The following PRKCE variants were observed in gnomAD, a reference collection of about 807,000 sequenced individuals.
The protein encoded by PRKCE is protein kinase C epsilon.
In PRKCE, 16 loss-of-function variants were observed where a neutral mutation model predicts 85.4. The observed-to-expected ratio is 0.19, with a 90% confidence interval of 0.13 to 0.28. The LOEUF (loss-of-function observed/expected upper bound fraction) is 0.28. Ranked by LOEUF, PRKCE falls within the 10% of genes least tolerant of loss-of-function variation. The pLI, the probability that PRKCE is intolerant of heterozygous loss-of-function variation, is 1.00. For synonymous variants in PRKCE, 388 were observed against 371.5 expected (o/e 1.04, Z -0.51); for missense variants, 573 against 975.2 (o/e 0.59, Z 5.49).
At chr2:46,135,138 T>C (rs1023787721) in intron 11 of PRKCE, among the ~76,000 whole-genome samples, 9 of 152,104 alleles carry the variant, frequency 5.9e-5, no homozygotes, top group Admixed American at 1.3e-4. Context: ...CAGCTGTCAG[T>C]GTAGTGTCTA....
At chr2:45,840,055 A>G (rs548253786) in intron 1 of PRKCE, among the ~76,000 whole-genome samples, 2 of 152,310 alleles carry the variant, frequency 1.3e-5, no homozygotes, top group Non-Finnish European at 2.9e-5. Context: ...AAAGATGGGC[A>G]TGGTGCCTGC....
chr2:45,917,448 T>C (rs1384120368), intron 2 of PRKCE, among the ~76,000 whole-genome samples: 2 of 152,186 alleles, frequency 1.3e-5, no homozygotes, highest in South Asian at 2.1e-4. Flanking sequence ...AGAGTGTCAA[T>C]TGGTGCATTC....
Position 45,688,953 on chromosome 2 carries a change from C to T in PRKCE, c.348+36505C>T, listed in dbSNP as rs183499901. 3.5e-3 allele frequency among the ~76,000 whole-genome samples: 536 copies of T among 152,278 alleles called. 3 individuals carry two copies. Among genetic ancestry groups the T allele is most frequent in the African/African-American group, 0.012 (504 of 41,558 alleles). On this transcript the variant is annotated intron_variant, in intron 1 of 14. Transcript: ENST00000306156. The stretch of plus-strand genomic sequence containing the variant: ...ACAACATAAGAGACTTGATGTTGGC[C>T]TTTTGGGAGCTCATGTTTCAAATCA...
At chr2:46,122,881 G>GTTTTTTTTTTTT (rs1244942634) in intron 11 of PRKCE, among the ~76,000 whole-genome samples, 1 of 117,162 alleles carries the variant, frequency 8.5e-6, no homozygotes, top group Non-Finnish European at 1.7e-5. Flanking sequence ...AACAGTCTGG[G>GTTTTTTTTTTTT]TTTTTTTTTT....
intron 1 of PRKCE, among the ~76,000 whole-genome samples, chr2:45,706,181 G>C (rs897315759): frequency 6.6e-6 from 1 of 152,176 alleles, no homozygotes; most frequent in Non-Finnish European, 1.5e-5. Flanking sequence ...AGTTGATGCT[G>C]GGGTAGGAAT....
intron 10 of PRKCE, among the ~76,000 whole-genome samples, chr2:46,069,228 C>T (rs1667871197): frequency 6.6e-6 from 1 of 152,186 alleles, no homozygotes; most frequent in Non-Finnish European, 1.5e-5. Context: ...GCTGTATTCT[C>T]ACTTACCTGT....
intron 10 of PRKCE, among the ~76,000 whole-genome samples, chr2:46,046,328 A>G (rs1708520438): frequency 6.6e-6 from 1 of 152,200 alleles, no homozygotes; most frequent in East Asian, 1.9e-4. Context: ...GGCCTGCCCT[A>G]CCTCTAGGGC....
intron 11 of PRKCE, among the ~76,000 whole-genome samples, chr2:46,126,125 A>G (rs1004339433): frequency 6.6e-6 from 1 of 152,094 alleles, no homozygotes; most frequent in African/African-American, 2.4e-5. Flanking sequence ...TACTTATTGG[A>G]TGTTTCTTTG....
chr2:45,928,414 C>A (rs934521879), intron 2 of PRKCE, among the ~76,000 whole-genome samples: 4 of 152,192 alleles, frequency 2.6e-5, no homozygotes, highest in African/African-American at 9.7e-5. Context: ...ATTACAGGCA[C>A]ACACCACCAT....
intron 2 of PRKCE, among the ~76,000 whole-genome samples, chr2:45,876,525 G>A (rs953557612): frequency 6.6e-6 from 1 of 152,068 alleles, no homozygotes; most frequent in African/African-American, 2.4e-5. Flanking sequence ...CAACCATTTG[G>A]GGGTAAATCC....
intron 1 of PRKCE, among the ~76,000 whole-genome samples, chr2:45,792,112 A>G (rs1553412344): frequency 1.3e-5 from 2 of 152,196 alleles, no homozygotes; most frequent in Non-Finnish European, 2.9e-5. Context: ...TGGTGCTGGC[A>G]TCTGCTTGGC....
chr2:46,012,577 T>A (rs1018788956), intron 10 of PRKCE, among the ~76,000 whole-genome samples: 15 of 152,170 alleles, frequency 9.9e-5, no homozygotes, highest in African/African-American at 3.6e-4. Context: ...CTGAGGTGGC[T>A]TTCCAGGCAG....
chr2:46,107,940 G>C (rs542755062), intron 11 of PRKCE, among the ~76,000 whole-genome samples: 1 of 151,834 alleles, frequency 6.6e-6, no homozygotes, highest in Non-Finnish European at 1.5e-5. Context: ...TTTTGTTTTT[G>C]TTTTCTTCTA....
intron 1 of PRKCE, among the ~76,000 whole-genome samples, chr2:45,708,082 T>A (rs1309968518): frequency 8.5e-5 from 13 of 152,162 alleles, no homozygotes. Context: ...TTCGGTGAGC[T>A]CCTGATCTAC....
intron 11 of PRKCE, among the ~76,000 whole-genome samples, chr2:46,133,513 T>G (rs1032822153): frequency 4.6e-5 from 7 of 152,198 alleles, no homozygotes; most frequent in African/African-American, 1.7e-4. Context: ...TATTATAGAA[T>G]TATTACATAG....
At chr2:45,802,877 G>T (rs1206982635) in intron 1 of PRKCE, among the ~76,000 whole-genome samples, 1 of 152,198 alleles carries the variant, frequency 6.6e-6, no homozygotes, top group Admixed American at 6.5e-5. Flanking sequence ...GGACCATCTT[G>T]ATTATTATTC....
intron 1 of PRKCE, among the ~76,000 whole-genome samples, chr2:45,691,092 T>C (rs1677691493): frequency 6.6e-6 from 1 of 152,224 alleles, no homozygotes; most frequent in Admixed American, 6.5e-5. Flanking sequence ...ATGGGGAGCA[T>C]TAAGTTTCAG....
intron 1 of PRKCE, among the ~76,000 whole-genome samples, chr2:45,669,415 C>T (rs1676053636): frequency 6.6e-6 from 1 of 152,234 alleles, no homozygotes; most frequent in Non-Finnish European, 1.5e-5. Context: ...CACTCCTTCA[C>T]AAGTCTCTCA....
intron 10 of PRKCE, among the ~76,000 whole-genome samples, chr2:46,035,282 T>C (rs574685304): frequency 1.1e-4 from 17 of 152,374 alleles, no homozygotes; most frequent in Middle Eastern, 3.4e-3. Context: ...GAAGCTGGCC[T>C]GAAAGGCCAG....
Sources: gnomAD v4.1 joint callset for allele counts (sites outside exome capture counted in the v4.1 genomes callset) on GRCh38, gnomAD v4.1.1 for gene constraint, MANE v1.5 for transcripts, NCBI Gene and HGNC (gene_info 2026-07-23, HGNC 2026-07-21) for gene names.